The following TARP variants were observed in gnomAD, a reference collection of about 807,000 sequenced individuals.
chr7:38,273,590 T>TAATG, the TARP span: 2 of 1,597,564 alleles, frequency 1.3e-6, no homozygotes, highest in African/African-American at 2.7e-5. Flanking sequence ...AACTTACCTG[T>TAATG]AATGATAAGC....
the TARP span, among the ~76,000 whole-genome samples, chr7:38,267,911 C>T: frequency 2.0e-4 from 31 of 151,302 alleles, no homozygotes; most frequent in African/African-American, 5.8e-4. Context: ...ATTTTCTGTA[C>T]GGTACCACAG....
the TARP span, chr7:38,265,503 C>T: frequency 9.3e-6 from 15 of 1,612,030 alleles, no homozygotes; most frequent in African/African-American, 1.5e-4. Context: ...TGGTGTTCCC[C>T]TCCTGGGATC....
the TARP span, chr7:38,262,081 C>A: frequency 8.9e-7 from 1 of 1,126,176 alleles, no homozygotes; most frequent in Non-Finnish European, 1.3e-6. Context: ...TCTGCAGCAT[C>A]CAACCTAGCA....
the TARP span, among the ~76,000 whole-genome samples, chr7:38,272,387 C>T: frequency 2.7e-5 from 4 of 147,944 alleles, no homozygotes; most frequent in Non-Finnish European, 3.0e-5. Context: ...TACAGATCAA[C>T]GTGAAAACAG....
the TARP span, chr7:38,265,305 C>T: frequency 1.4e-6 from 2 of 1,437,874 alleles, no homozygotes; most frequent in Non-Finnish European, 1.9e-6. Context: ...GCAGCATTCA[C>T]TTTCAAAGAA....
At chr7:38,269,377 A>C in the TARP span, 1 of 628,328 alleles carries the variant, frequency 1.6e-6, no homozygotes, top group Non-Finnish European at 2.8e-6. Context: ...AGTTTTCTAC[A>C]TCAAATCCCC....
the TARP span, among the ~76,000 whole-genome samples, chr7:38,263,935 T>C: frequency 0.11 from 16,508 of 151,798 alleles, 1,052 homozygotes; most frequent in South Asian, 0.18. Context: ...GGGTTTTCAA[T>C]GTCTTTTTAT....
the TARP span, among the ~76,000 whole-genome samples, chr7:38,261,722 A>C: frequency 6.6e-6 from 1 of 150,956 alleles, no homozygotes; most frequent in Non-Finnish European, 1.5e-5. Context: ...AAATACAAAA[A>C]TTAGCCGGGC....
At chr7:38,269,112 C>G in the TARP span, among the ~76,000 whole-genome samples, 10 of 151,776 alleles carry the variant, frequency 6.6e-5, no homozygotes, top group Admixed American at 5.3e-4. Flanking sequence ...CACCCGGGCT[C>G]CTTCACAACA....
chr7:38,271,460 C>G, the TARP span, among the ~76,000 whole-genome samples: 1 of 150,980 alleles, frequency 6.6e-6, no homozygotes, highest in Non-Finnish European at 1.5e-5. Flanking sequence ...TTCTAATACT[C>G]TGCTTTGATC....
At chr7:38,261,002 A>G in the TARP span, among the ~76,000 whole-genome samples, 25 of 152,022 alleles carry the variant, frequency 1.6e-4, no homozygotes, top group African/African-American at 5.6e-4. Flanking sequence ...CTGCTAAATG[A>G]GATGCCCTAT....
At chr7:38,263,560 T>C in the TARP span, among the ~76,000 whole-genome samples, 2 of 151,568 alleles carry the variant, frequency 1.3e-5, no homozygotes, top group African/African-American at 4.9e-5. Context: ...CAATTCTTTC[T>C]GGGACTAGAA....
At chr7:38,267,558 G>A in the TARP span, among the ~76,000 whole-genome samples, 1 of 150,416 alleles carries the variant, frequency 6.6e-6, no homozygotes, top group Non-Finnish European at 1.5e-5. Context: ...TACAAAATTA[G>A]TAAACATATA....
the TARP span, chr7:38,273,598 A>C: frequency 6.3e-7 from 1 of 1,597,894 alleles, no homozygotes; most frequent in Non-Finnish European, 8.5e-7. Flanking sequence ...TGTAATGATA[A>C]GCTTTGTTCC....
chr7:38,263,879 G>A, the TARP span, among the ~76,000 whole-genome samples: 1 of 151,894 alleles, frequency 6.6e-6, no homozygotes, highest in African/African-American at 2.4e-5. Flanking sequence ...GCAAACGTTA[G>A]TTATCAAGTC....
the TARP span, among the ~76,000 whole-genome samples, chr7:38,262,517 T>A: frequency 7.9e-5 from 12 of 151,894 alleles, no homozygotes; most frequent in East Asian, 5.8e-4. Flanking sequence ...CCTAGCATAG[T>A]GACTGCCACA....
the TARP span, chr7:38,269,670 C>T: frequency 2.2e-5 from 12 of 551,782 alleles, no homozygotes; most frequent in East Asian, 2.3e-4. Flanking sequence ...AGTTCTGTTG[C>T]TCCACAAATC....
the TARP span, among the ~76,000 whole-genome samples, chr7:38,260,563 T>C: frequency 6.6e-6 from 1 of 151,158 alleles, no homozygotes; most frequent in Non-Finnish European, 1.5e-5. Flanking sequence ...CCTAAATGCC[T>C]CTAATTATGG....
the TARP span, chr7:38,265,740 G>A: frequency 2.9e-5 from 35 of 1,207,442 alleles, no homozygotes; most frequent in Non-Finnish European, 3.8e-5. Context: ...ACATTGCACA[G>A]TTTGGAGTGG....
Sources: gnomAD v4.1 joint callset for allele counts (sites outside exome capture counted in the v4.1 genomes callset) on GRCh38, gnomAD v4.1.1 for gene constraint, MANE v1.5 for transcripts.